ADAMTS12: variants seen among roughly 807,000 people sequenced by gnomAD.
The protein encoded by ADAMTS12 is A disintegrin and metalloproteinase with thrombospondin motifs 12.
Under a neutral mutation model 167.8 loss-of-function variants are expected in ADAMTS12, and 118 were observed. The ratio of observed to expected loss-of-function variants is 0.70; its 90% CI spans 0.61 to 0.82. ADAMTS12 has a LOEUF of 0.82. Among genes scored for constraint, ADAMTS12 ranks in the 40% least tolerant of loss-of-function variants. The pLI is 0.00. For missense variants in ADAMTS12, 1,916 were observed against 1,998.8 expected (o/e 0.96, Z 0.79); for synonymous variants, 704 against 716.9 (o/e 0.98, Z 0.29).
At chr5:33,812,799 A>G (rs192116283) in intron 2 of ADAMTS12, among the ~76,000 whole-genome samples, 1 of 152,268 alleles carries the variant, frequency 6.6e-6, no homozygotes, top group Admixed American at 6.5e-5. Flanking sequence ...CTTGTTTTCA[A>G]TTTGGACTAT....
intron 5 of ADAMTS12, among the ~76,000 whole-genome samples, chr5:33,666,985 A>G (rs1241298705): frequency 6.6e-6 from 1 of 152,208 alleles, no homozygotes; most frequent in Non-Finnish European, 1.5e-5. Context: ...TTTTGCGAAC[A>G]ACTATGTGAA....
chr5:33,674,285 A>G (rs1378249861), intron 5 of ADAMTS12, among the ~76,000 whole-genome samples: 1 of 152,232 alleles, frequency 6.6e-6, no homozygotes, highest in Non-Finnish European at 1.5e-5. Flanking sequence ...GGCAGTAAAG[A>G]GGCCAGAAGT....
chr5:33,631,209 G>A (rs760075005), intron 12 of ADAMTS12, among the ~76,000 whole-genome samples: 100 of 152,116 alleles, frequency 6.6e-4, no homozygotes, highest in Non-Finnish European at 6.6e-4. Context: ...ATTCAACATT[G>A]AATTGTGCTT....
At chr5:33,806,943 A>C (rs1747259411) in intron 2 of ADAMTS12, among the ~76,000 whole-genome samples, 1 of 152,062 alleles carries the variant, frequency 6.6e-6, no homozygotes, top group African/African-American at 2.4e-5. Flanking sequence ...TCCACTTCCC[A>C]CTTGACTGCC....
At chr5:33,577,531 A>G (rs763583466) in intron 18 of ADAMTS12, among the ~76,000 whole-genome samples, 2 of 152,160 alleles carry the variant, frequency 1.3e-5, no homozygotes, top group Non-Finnish European at 2.9e-5. Context: ...TGGGATTGTG[A>G]TTTTATTAAA....
chr5:33,880,299 C>T (rs79591444), intron 2 of ADAMTS12, among the ~76,000 whole-genome samples: 3,339 of 152,262 alleles, frequency 0.022, 79 homozygotes, highest in Middle Eastern at 0.11. Context: ...TAATAAAATA[C>T]AATAACAGCA....
intron 16 of ADAMTS12, among the ~76,000 whole-genome samples, chr5:33,602,414 T>A (rs1041028608): frequency 1.3e-5 from 2 of 152,252 alleles, no homozygotes; most frequent in Non-Finnish European, 2.9e-5. Flanking sequence ...AGAGTATCCA[T>A]CTCTCAATTC....
chr5:33,559,780 T>C, intron 20 of ADAMTS12, among the ~76,000 whole-genome samples: 1 of 152,044 alleles, frequency 6.6e-6, no homozygotes, highest in Non-Finnish European at 1.5e-5. Context: ...ACCCGGAGGT[T>C]AAGGCACGAG....
chr5:33,887,466 G>A (rs1443458393), intron 1 of ADAMTS12, among the ~76,000 whole-genome samples: 1 of 152,186 alleles, frequency 6.6e-6, no homozygotes, highest in Non-Finnish European at 1.5e-5. Flanking sequence ...GTGGGGTTGG[G>A]AGGGCCAGAG....
At chr5:33,704,274 A>T (rs1743107588) in intron 3 of ADAMTS12, among the ~76,000 whole-genome samples, 1 of 152,166 alleles carries the variant, frequency 6.6e-6, no homozygotes, top group Non-Finnish European at 1.5e-5. Context: ...TCGCTTCCGT[A>T]TCTTGGCTAT....
At chr5:33,819,552 G>GTTTGTT (rs996522299) in intron 2 of ADAMTS12, among the ~76,000 whole-genome samples, 2 of 151,902 alleles carry the variant, frequency 1.3e-5, no homozygotes, top group African/African-American at 2.4e-5. Flanking sequence ...GCTATTTGCA[G>GTTTGTT]TTTGTTTTTG....
intron 18 of ADAMTS12, among the ~76,000 whole-genome samples, chr5:33,580,435 TCCCATGATCTAATCATTC>T (rs138238799): frequency 0.21 from 32,203 of 151,846 alleles, 3,484 homozygotes; most frequent in Non-Finnish European, 0.24. Flanking sequence ...GGGGAACAGC[TCCCATGATCTAATCATTC>T]CCCATGAGTT....
Position 33,750,732 on chromosome 5 carries a change from T to G in ADAMTS12, c.634+672A>C, listed in dbSNP as rs111972773. 1.7e-3 allele frequency among the ~76,000 whole-genome samples: 258 copies of G among 152,262 alleles called. 1 individual carries two copies. Among genetic ancestry groups the G allele is most frequent in the African/African-American group, 5.9e-3 (245 of 41,548 alleles). ...GAAGAATGTGGGAGTTGCAAGGAAA[T>G]GACTTGGATCAGTTTACTTCTGAAA... On this transcript the variant is annotated intron_variant, in intron 3 of 23. Transcript: ENST00000504830.
chr5:33,731,548 C>T (rs532287664), intron 3 of ADAMTS12, among the ~76,000 whole-genome samples: 1 of 152,304 alleles, frequency 6.6e-6, no homozygotes, highest in East Asian at 1.9e-4. Flanking sequence ...GACATGCACT[C>T]CAGCTCCACA....
At chr5:33,870,645 G>A (rs1380623881) in intron 2 of ADAMTS12, among the ~76,000 whole-genome samples, 1 of 152,176 alleles carries the variant, frequency 6.6e-6, no homozygotes, top group Non-Finnish European at 1.5e-5. Flanking sequence ...ATATGGTTTG[G>A]ATTTGTGTCC....
Position 33,641,849 on chromosome 5 carries a change from GC to G in ADAMTS12, c.1678del (p.Ala560LeufsTer81), listed in dbSNP as rs761957184. ...PWSHCSRTCGAGVQSAERLCN... is the reference protein window; with the variant it reads ...PWSHCSRTCGXGVQSAERLCN... ...GAGCCTCTCTGCGCTCTGGACTCCA[GC>G]CCCACAGGTCCTGGAACAGTGGGAC... On this transcript the variant is annotated frameshift_variant, in exon 11 of 24. Transcript: ENST00000504830. LOFTEE classifies it high-confidence loss of function. The G allele has an allele frequency of 6.2e-7, 1 of 1,613,434 alleles. No individual in the cohort carries two copies. The highest frequency in any genetic ancestry group is 1.7e-5 in the Admixed American group (1 of 60,012).
At chr5:33,856,582 C>A (rs1166464390) in intron 2 of ADAMTS12, among the ~76,000 whole-genome samples, 1 of 151,534 alleles carries the variant, frequency 6.6e-6, no homozygotes, top group Non-Finnish European at 1.5e-5. Context: ...CATAGTGAGA[C>A]CCCATCTCTA....
intron 2 of ADAMTS12, among the ~76,000 whole-genome samples, chr5:33,863,124 A>C (rs958647698): frequency 2.0e-5 from 3 of 152,342 alleles, no homozygotes; most frequent in Admixed American, 6.5e-5. Context: ...TCCCTTTGAA[A>C]ACCGGCACAA....
chr5:33,861,116 T>A (rs1186733071), intron 2 of ADAMTS12, among the ~76,000 whole-genome samples: 4 of 152,124 alleles, frequency 2.6e-5, no homozygotes, highest in Non-Finnish European at 4.4e-5. Flanking sequence ...ATGAAGAAAC[T>A]GCATCAACTA....
Sources: allele counts gnomAD v4.1 joint callset (sites outside exome capture counted in the v4.1 genomes callset), GRCh38; gene constraint gnomAD v4.1.1; transcripts MANE v1.5; gene names NCBI Gene and HGNC (gene_info 2026-07-23, HGNC 2026-07-21).